The following UGT1A9 variants were observed in gnomAD, a reference collection of about 807,000 sequenced individuals.
UGT1A9 encodes the protein UDP-glucuronosyltransferase 1A9.
In UGT1A9, 35 loss-of-function variants were observed where a neutral mutation model predicts 45.0. That is an observed-to-expected ratio of 0.78 (90% CI 0.59 to 1.03). UGT1A9 has a LOEUF of 1.03. Ranked by LOEUF, UGT1A9 falls within the 50% of genes least tolerant of loss-of-function variation. The probability of loss-of-function intolerance (pLI) is 0.00; values close to 1 mark genes in which losing one functional copy is unlikely to be tolerated. For synonymous variants in UGT1A9, 278 were observed against 250.6 expected (o/e 1.11, Z -1.03); for missense variants, 687 against 666.6 (o/e 1.03, Z -0.34).
intron 1 of UGT1A9, among the ~76,000 whole-genome samples, chr2:233,763,422 G>A (rs983086025): frequency 2.0e-4 from 31 of 152,076 alleles, no homozygotes; most frequent in Non-Finnish European, 4.1e-4. Context: ...ATCCAGTCAG[G>A]CAGTTGCTTT....
chr2:233,751,076 G>A (rs1694634911), intron 1 of UGT1A9, among the ~76,000 whole-genome samples: 1 of 151,954 alleles, frequency 6.6e-6, no homozygotes, highest in Non-Finnish European at 1.5e-5. Context: ...GCCAGCCTCT[G>A]AAGGCAGCCA....
chr2:233,694,007 C>T (rs1054591616), intron 1 of UGT1A9: 26 of 1,457,592 alleles, frequency 1.8e-5, no homozygotes, highest in African/African-American at 8.5e-5. Context: ...CTCGGAGCAG[C>T]GGGAACACAT....
At chr2:233,693,541 G>T (rs1471757220) in intron 1 of UGT1A9, 7 of 1,614,056 alleles carry the variant, frequency 4.3e-6, no homozygotes, top group Non-Finnish European at 5.1e-6. Context: ...GTTCCCTGGA[G>T]CATACATTCA....
At chr2:233,738,115 G>T (rs1249005866) in intron 1 of UGT1A9, among the ~76,000 whole-genome samples, 5 of 152,176 alleles carry the variant, frequency 3.3e-5, no homozygotes, top group African/African-American at 1.2e-4. Flanking sequence ...AGATCTGATG[G>T]TTTTATAAGG....
chr2:233,765,231 A>G (rs1698784494), intron 1 of UGT1A9, among the ~76,000 whole-genome samples: 1 of 152,148 alleles, frequency 6.6e-6, no homozygotes, highest in African/African-American at 2.4e-5. Context: ...ACATAAAACC[A>G]TAGACTCAGT....
At chr2:233,746,951 C>A (rs1693515830) in intron 1 of UGT1A9, among the ~76,000 whole-genome samples, 1 of 151,748 alleles carries the variant, frequency 6.6e-6, no homozygotes, top group Admixed American at 6.5e-5. Context: ...GAAACAAGAG[C>A]TTGAACTTGG....
At position 233,757,547 on chromosome 2, in the gene UGT1A9, T is replaced by TAC. The variant is rs1452370067; in HGVS notation, c.856-9486_856-9485insCA. Among the ~76,000 whole-genome samples, 65 of 133,940 alleles carry TAC rather than the reference T, an allele frequency of 4.9e-4. 6 individuals carry two copies. The highest frequency in any genetic ancestry group is 6.5e-4 in the Admixed American group (9 of 13,854). The allele number at this position is 133,940 out of a possible 152,430, so 87.9% of individuals were successfully genotyped here. On this transcript the variant is annotated intron_variant, in intron 1 of 4. Coordinates refer to ENST00000354728, the MANE Select transcript of UGT1A9 (RefSeq NM_021027.3). Reference sequence around the variant, plus strand: ...CTTGCCTGTAAGGAATATATATATATATATATATATATATGTATATATGAT... The same window carrying TAC: ...CTTGCCTGTAAGGAATATATATATATACATATATATATATATGTATATATGAT...
intron 1 of UGT1A9, chr2:233,740,628 A>G (rs1368948290): frequency 1.3e-5 from 2 of 151,808 alleles, no homozygotes; most frequent in Non-Finnish European, 2.9e-5. Flanking sequence ...TCACAGGGTC[A>G]TGCCTTTCCT....
chr2:233,682,712 T>C, intron 1 of UGT1A9: 1 of 1,613,902 alleles, frequency 6.2e-7, no homozygotes, highest in African/African-American at 1.3e-5. Context: ...TGACTTTGTT[T>C]TGGAGTATCC....
intron 1 of UGT1A9, among the ~76,000 whole-genome samples, chr2:233,687,583 TAAA>T (rs71398794): frequency 1.5e-3 from 166 of 107,426 alleles, no homozygotes; most frequent in South Asian, 6.1e-3. Context: ...ACATTCTTTG[TAAA>T]AAAAAAAAAA....
At chr2:233,733,900 C>G (rs1176536983) in intron 1 of UGT1A9, among the ~76,000 whole-genome samples, 1 of 151,704 alleles carries the variant, frequency 6.6e-6, no homozygotes, top group Non-Finnish European at 1.5e-5. Context: ...CTGTTTGTAC[C>G]TCTCTGGTAG....
At chr2:233,757,560 A>ATG (rs199649558) in intron 1 of UGT1A9, among the ~76,000 whole-genome samples, 16 of 123,134 alleles carry the variant, frequency 1.3e-4, no homozygotes, top group African/African-American at 3.4e-4. Context: ...ATATATATAT[A>ATG]TGTATATATG....
intron 1 of UGT1A9, chr2:233,748,125 T>C: frequency 6.2e-7 from 1 of 1,610,546 alleles, no homozygotes; most frequent in South Asian, 1.1e-5. Context: ...GGCAAAACAG[T>C]TTTTAAAAAT....
intron 1 of UGT1A9, among the ~76,000 whole-genome samples, chr2:233,687,736 C>G (rs148067936): frequency 1.6e-3 from 236 of 152,066 alleles, no homozygotes; most frequent in African/African-American, 5.5e-3. Context: ...GACACTGTCT[C>G]TACAAAAAAT....
intron 1 of UGT1A9, among the ~76,000 whole-genome samples, chr2:233,726,638 A>G (rs1268370501): frequency 1.3e-5 from 2 of 152,164 alleles, no homozygotes; most frequent in Admixed American, 6.6e-5. Context: ...CAATCTCCCC[A>G]TCTTAAAACT....
chr2:233,748,690 T>C (rs1289414709), intron 1 of UGT1A9, among the ~76,000 whole-genome samples: 4 of 151,634 alleles, frequency 2.6e-5, no homozygotes, highest in Non-Finnish European at 5.9e-5. Context: ...ACAAAAGATT[T>C]TTCTGGTCAG....
At chr2:233,755,176 G>A in intron 1 of UGT1A9, 1 of 1,238,182 alleles carries the variant, frequency 8.1e-7, no homozygotes, top group South Asian at 1.2e-5. Flanking sequence ...TTTTTGTCGG[G>A]GTGCCACTTG....
At chr2:233,676,970 T>G (rs187885170) in intron 1 of UGT1A9, among the ~76,000 whole-genome samples, 1 of 152,324 alleles carries the variant, frequency 6.6e-6, no homozygotes, top group Non-Finnish European at 1.5e-5. Flanking sequence ...TGTGTAATAA[T>G]CTATAAATGA....
At position 233,671,913 on chromosome 2, in the gene UGT1A9, T is replaced by C. The variant is rs368891366; in HGVS notation, c.-22T>C. ...ATAGGAGCTTAGATTCCCAGCTGCTTGCTCTCAGCTGCAGTTCTCTGATGG... is the reference window on the plus strand; with the variant it reads ...ATAGGAGCTTAGATTCCCAGCTGCTCGCTCTCAGCTGCAGTTCTCTGATGG... On this transcript the variant is annotated 5_prime_UTR_variant, in exon 1 of 5. Coordinates refer to ENST00000354728, the MANE Select transcript of UGT1A9 (RefSeq NM_021027.3). 1.3e-6 allele frequency: 2 copies of C among 1,584,646 alleles called. No individual in the cohort carries two copies. Among genetic ancestry groups the C allele is most frequent in the Non-Finnish European group, 1.7e-6 (2 of 1,165,496 alleles).
Sources: gnomAD v4.1 joint callset for allele counts (sites outside exome capture counted in the v4.1 genomes callset) on GRCh38, gnomAD v4.1.1 for gene constraint, MANE v1.5 for transcripts, NCBI Gene and HGNC (gene_info 2026-07-23, HGNC 2026-07-21) for gene names.